Variants in MANBA observed in about 807,000 individuals in gnomAD.
MANBA encodes mannosidase beta, also known as beta-mannosidase.
MANBA carries 83 observed loss-of-function variants against 111.1 expected under a neutral mutation model. The ratio of observed to expected loss-of-function variants is 0.75; its 90% confidence interval spans 0.63 to 0.90. The LOEUF is 0.90. Among genes scored for constraint, MANBA ranks in the 40% least tolerant of loss-of-function variants. MANBA has a pLI of 0.00. For missense variants in MANBA, 1,036 were observed against 1,069.0 expected, an observed-to-expected ratio of 0.97 and a Z score of 0.43; for synonymous variants, 370 against 378.7, an observed-to-expected ratio of 0.98 and a Z score of 0.27.
chr4:102,716,784 T>C (rs1400943862), intron 4 of MANBA, among the ~76,000 whole-genome samples: 1 of 152,224 alleles, frequency 6.6e-6, no homozygotes, highest in Admixed American at 6.5e-5. Flanking sequence ...GAGGAAATAC[T>C]AAAATCCTTC....
At chr4:102,675,768 C>G (rs58695194) in intron 7 of MANBA, among the ~76,000 whole-genome samples, 6,637 of 152,122 alleles carry the variant, frequency 0.044, 462 homozygotes, top group African/African-American at 0.15. Flanking sequence ...GAAGGCTTAC[C>G]TTCTCACCAG....
chr4:102,750,653 C>T (rs964403673), intron 1 of MANBA, among the ~76,000 whole-genome samples: 1 of 152,156 alleles, frequency 6.6e-6, no homozygotes, highest in Non-Finnish European at 1.5e-5. Flanking sequence ...CGGTTCACAC[C>T]TGTAATCCCT....
intron 1 of MANBA, among the ~76,000 whole-genome samples, chr4:102,748,113 T>C (rs1334280444): frequency 1.3e-5 from 2 of 152,184 alleles, no homozygotes; most frequent in African/African-American, 2.4e-5. Flanking sequence ...GGAGCTGACA[T>C]GTGGAAGAGG....
chr4:102,676,222 T>C (rs1403931966), intron 7 of MANBA, among the ~76,000 whole-genome samples: 1 of 152,212 alleles, frequency 6.6e-6, no homozygotes, highest in Admixed American at 6.5e-5. Flanking sequence ...TTAAAAATAA[T>C]ATTTATGGTG....
chr4:102,721,873 T>C (rs1722591229), intron 4 of MANBA, among the ~76,000 whole-genome samples: 1 of 150,932 alleles, frequency 6.6e-6, no homozygotes, highest in African/African-American at 2.4e-5. Context: ...ACAAAAAAAA[T>C]ACAAAAATTA....
At chr4:102,707,506 G>C (rs961772553) in intron 5 of MANBA, among the ~76,000 whole-genome samples, 6 of 152,050 alleles carry the variant, frequency 3.9e-5, no homozygotes, top group Admixed American at 1.3e-4. Flanking sequence ...ACCACTGGTT[G>C]AGTAAACACA....
chr4:102,725,806 A>T (rs1722771566), intron 2 of MANBA, among the ~76,000 whole-genome samples: 1 of 152,222 alleles, frequency 6.6e-6, no homozygotes, highest in Non-Finnish European at 1.5e-5. Context: ...AGACCCACCC[A>T]GAACAGACTG....
intron 15 of MANBA, 92 bp downstream of exon 15, chr4:102,635,773 C>A: frequency 7.4e-7 from 1 of 1,342,284 alleles, no homozygotes; most frequent in South Asian, 1.2e-5. Flanking sequence ...AAATTAATTT[C>A]TCTTTTATTT....
intron 1 of MANBA, among the ~76,000 whole-genome samples, chr4:102,747,353 C>T (rs1723627402): frequency 6.6e-6 from 1 of 152,112 alleles, no homozygotes; most frequent in Non-Finnish European, 1.5e-5. Flanking sequence ...GGATAAGCCA[C>T]TATAGTCTTT....
At chr4:102,714,318 A>T in intron 5 of MANBA, 120 bp downstream of exon 5, 1 of 994,610 alleles carries the variant, frequency 1.0e-6, no homozygotes, top group Non-Finnish European at 1.5e-6. Context: ...AATTGATTGT[A>T]CCACAAAGTT....
intron 12 of MANBA, among the ~76,000 whole-genome samples, chr4:102,653,612 T>G (rs1410322147): frequency 6.6e-6 from 1 of 152,150 alleles, no homozygotes; most frequent in Non-Finnish European, 1.5e-5. Flanking sequence ...AACTAAGCAG[T>G]GTAGCTTAAA....
chr4:102,699,143 A>C (rs1182720029), intron 5 of MANBA, among the ~76,000 whole-genome samples: 1 of 152,122 alleles, frequency 6.6e-6, no homozygotes, highest in Non-Finnish European at 1.5e-5. Flanking sequence ...TTCACTCATG[A>C]TTTGGCCCTC....
chr4:102,760,941 C>A lies in MANBA; in HGVS notation c.-47G>T, dbSNP rs371143315. ...GATGTGGAGAGATCGAAAGGCAGCG[C>A]TGCAAGGGACCGGCGGTGAAGCCAC... On this transcript the variant is annotated 5_prime_UTR_variant, in exon 1 of 17. Coordinates refer to ENST00000647097, the MANE Select transcript of MANBA (RefSeq NM_005908.4). 1.3e-6 allele frequency: 2 copies of A among 1,520,426 alleles called. No individual in the cohort carries two copies. The highest frequency in any genetic ancestry group is 2.0e-5 in the Admixed American group (1 of 51,244). The allele number at this position is 1,520,426 out of a possible 1,614,324, so 94.2% of individuals were successfully genotyped here. A position where few individuals can be genotyped will look rare whatever the true frequency, so the allele number is the denominator to read the frequency against.
At chr4:102,721,329 C>CATACATAAATAAATAAATAA (rs71596361) in intron 4 of MANBA, among the ~76,000 whole-genome samples, 329 of 151,118 alleles carry the variant, frequency 2.2e-3, no homozygotes, top group African/African-American at 7.9e-3. Context: ...ATCTCAAATA[C>CATACATAAATAAATAAATAA]ATAAATAAAT....
rs769735770 is a variant in MANBA at position 102,760,905 on chromosome 4, C to T, written c.-11G>A. 7 of 1,525,176 alleles carry T rather than the reference C, an allele frequency of 4.6e-6. No individual in the cohort carries two copies. The highest frequency in any genetic ancestry group is 4.0e-5 in the Admixed American group (2 of 50,628). 94.5% of individuals were successfully genotyped at this position (1,525,176 alleles called of 1,614,324 possible). On this transcript the variant is annotated 5_prime_UTR_variant, in exon 1 of 17. Transcript: ENST00000647097. ...CAGGTGGAGGCGCATCTTGAGATCC[C>T]GCGCCACCGAGATGTGGAGAGATCG... is the stretch of plus-strand genomic sequence containing the variant.
intron 5 of MANBA, among the ~76,000 whole-genome samples, chr4:102,697,838 A>G (rs1732801700): frequency 6.6e-6 from 1 of 152,116 alleles, no homozygotes. Context: ...GTGTCTTTAG[A>G]GCAGCATGAT....
At chr4:102,703,014 A>G (rs1299014965) in intron 5 of MANBA, among the ~76,000 whole-genome samples, 1 of 152,252 alleles carries the variant, frequency 6.6e-6, no homozygotes, top group East Asian at 1.9e-4. Context: ...ATACATATAT[A>G]TAACAGATGC....
chr4:102,689,721 T>C (rs762111437), intron 6 of MANBA, 37 bp from the exon 7 acceptor site: 6 of 1,160,618 alleles, frequency 5.2e-6, no homozygotes, highest in South Asian at 4.9e-5. Context: ...TAATATGTCA[T>C]ATTTTCAGCA....
At chr4:102,697,551 C>T (rs539746777) in intron 5 of MANBA, among the ~76,000 whole-genome samples, 3,843 of 133,556 alleles carry the variant, frequency 0.029, 112 homozygotes, top group African/African-American at 0.081. Flanking sequence ...TGTTCCCCTT[C>T]CTGTGTCCAT....
Sources: gnomAD v4.1 joint callset for allele counts (sites outside exome capture counted in the v4.1 genomes callset) on GRCh38, gnomAD v4.1.1 for gene constraint, MANE v1.5 for transcripts, NCBI Gene and HGNC (gene_info 2026-07-23, HGNC 2026-07-21) for gene names.